HEXA: variants seen among roughly 807,000 people sequenced by gnomAD.
HEXA encodes beta-hexosaminidase subunit alpha.
Under a neutral mutation model 73.3 loss-of-function variants are expected in HEXA, and 54 were observed. That is an observed-to-expected ratio of 0.74 (90% CI 0.59 to 0.92). HEXA has a LOEUF of 0.92. Among genes scored for constraint, HEXA ranks in the 40% least tolerant of loss-of-function variants. The probability of loss-of-function intolerance (pLI) is 0.00; values close to 1 mark genes in which losing one functional copy is unlikely to be tolerated. For missense variants in HEXA, 649 were observed against 653.0 expected (o/e 0.99, Z 0.07); for synonymous variants, 230 against 246.9 (o/e 0.93, Z 0.64).
At chr15:72,356,705 A>G (rs1025772348) in intron 1 of HEXA, 88 bp from the exon 2 acceptor site, 46 of 1,585,020 alleles carry the variant, frequency 2.9e-5, no homozygotes, top group Non-Finnish European at 3.7e-5. Flanking sequence ...CCCTCAGCTC[A>G]CACGCCTGTG....
At chr15:72,350,371 T>C (rs1018558929) in intron 7 of HEXA, 147 bp downstream of exon 7, 1 of 855,468 alleles carries the variant, frequency 1.2e-6, no homozygotes. Context: ...GAGTTCTTCC[T>C]ATCTAAATTC....
intron 1 of HEXA, chr15:72,362,350 T>C (rs2088862233): frequency 2.4e-6 from 1 of 424,214 alleles, no homozygotes; most frequent in Non-Finnish European, 4.8e-6. Context: ...TCTTAAGATA[T>C]GCTGTTTATT....
intron 1 of HEXA, among the ~76,000 whole-genome samples, chr15:72,369,142 T>G (rs2088954682): frequency 6.6e-6 from 1 of 152,152 alleles, no homozygotes; most frequent in Admixed American, 6.5e-5. Context: ...CCAGGAAGCT[T>G]AAGCAAATGC....
Position 72,375,985 on chromosome 15 carries a change from T to TC in HEXA, c.-14dup, listed in dbSNP as rs1368865852. On this transcript the variant is annotated 5_prime_UTR_variant, in exon 1 of 14. Transcript: ENST00000268097. ...TGGAGCTTGTCATGGCCCGCTGGTC[T>TC]CCCCTCTCGGAGGGGGCTGGCCACG... 1.9e-6 allele frequency: 3 copies of TC among 1,611,982 alleles called. No homozygotes were observed. In the African/African-American group the frequency reaches 4.0e-5, roughly 22 times the overall value.
chr15:72,345,536 G>C lies in HEXA; in HGVS notation c.1436C>G (p.Ala479Gly). The C allele has an allele frequency of 6.2e-7, 1 of 1,614,238 alleles. No homozygotes were observed. Among genetic ancestry groups the C allele is most frequent in the South Asian group, 1.1e-5 (1 of 91,084 alleles). ...GTTGCTCCACAGCCTTTCGGCAACA[G>C]CCCCTGCTCTGGGCCTGGAGGAAAA... Reference protein sequence around the residue: ...LVPRLWPRAGAVAERLWSNKL... With the variant: ...LVPRLWPRAGGVAERLWSNKL... The change falls in exon 13 of 14, where the codon GCT becomes GGT. Residue 479 changes from alanine (A) to glycine (G), a missense_variant. By Grantham distance (60) the Ala-to-Gly change is moderately conservative (BLOSUM62 0). Transcript: ENST00000268097.
Position 72,356,610 on chromosome 15 carries a change from C to T in HEXA, c.261G>A (p.Arg87=), listed in dbSNP as rs1298623340. Residue 87 remains arginine (R), a synonymous_variant, in exon 2 of 14, where the codon CGG becomes CGA. Coordinates refer to ENST00000268097, the MANE Select transcript of HEXA (RefSeq NM_000520.6). ...CCAACACATTCTTCTCCAGTGTATG[C>T]CGTTTCCCTAGGAAGACAGGGTAAG... ...SWPRPYLTGK[R]HTLEKNVLVV... 3 of 1,614,034 alleles carry T rather than the reference C, an allele frequency of 1.9e-6. No homozygotes were observed. The highest frequency in any genetic ancestry group is 1.7e-6 in the Non-Finnish European group (2 of 1,179,982).
rs942869956 is a variant in HEXA, at chr15:72,343,014, G to T, written c.*1063C>A. 6.6e-6 allele frequency: 1 copy of T among 152,230 alleles called. No homozygotes were observed. Among genetic ancestry groups the T allele is most frequent in the Non-Finnish European group, 1.5e-5 (1 of 68,064 alleles). 9.4% of individuals were successfully genotyped at this position (152,230 alleles called of 1,614,324 possible). ...AGGCGGGCGGATCACGAGGTCAGGAGATCGAGACCATCCTGGCTAACACGG... is the reference window on the plus strand; with the variant it reads ...AGGCGGGCGGATCACGAGGTCAGGATATCGAGACCATCCTGGCTAACACGG... On this transcript the variant is annotated 3_prime_UTR_variant, in exon 14 of 14. Transcript: ENST00000268097.
intron 8 of HEXA, 34 bp from the exon 9 acceptor site, chr15:72,348,168 C>A (rs1490982157): frequency 6.8e-7 from 1 of 1,468,698 alleles, no homozygotes; most frequent in South Asian, 1.1e-5. Flanking sequence ...ATTAATCTTT[C>A]AACATCCTGA....
At chr15:72,349,847 T>C (rs1442575719) in intron 7 of HEXA, among the ~76,000 whole-genome samples, 1 of 152,168 alleles carries the variant, frequency 6.6e-6, no homozygotes, top group African/African-American at 2.4e-5. Context: ...CACTGCAACC[T>C]CTGCCTCCTG....
intron 1 of HEXA, among the ~76,000 whole-genome samples, chr15:72,373,891 C>T (rs192142460): frequency 6.6e-6 from 1 of 151,126 alleles, no homozygotes. Context: ...CCCACCTACT[C>T]GGGAGGCTGA....
At chr15:72,350,231 C>G in intron 7 of HEXA, 1 of 439,744 alleles carries the variant, frequency 2.3e-6, no homozygotes, top group Admixed American at 3.5e-5. Context: ...CAGATTCTAC[C>G]CTGGTGGTCA....
Position 72,375,753 on chromosome 15 carries a change from C to G in HEXA, c.220G>C (p.Gly74Arg). Residue 74 changes from glycine (G) to arginine (R), a missense_variant, in exon 1 of 14, where the codon GGT becomes CGT. Physicochemically the swap from Gly to Arg is moderately radical, Grantham distance 125. Coordinates refer to ENST00000268097, the MANE Select transcript of HEXA (RefSeq NM_000520.6). ...AFQRYRDLLF[G>R]SGSWPRPYLT... is the part of the protein sequence containing the mutation. ...TAAGGACGGGGCCAAGACCCGGAACCGAAAAGCAGGTCACGATAGCGCTGG... is the reference window on the plus strand; with the variant it reads ...TAAGGACGGGGCCAAGACCCGGAACGGAAAAGCAGGTCACGATAGCGCTGG... The G allele has an allele frequency of 1.2e-6, 2 of 1,614,214 alleles. No individual in the cohort carries two copies. Among genetic ancestry groups the G allele is most frequent in the Non-Finnish European group, 1.7e-6 (2 of 1,180,046 alleles).
At chr15:72,347,985 G>T in intron 9 of HEXA, 63 bp downstream of exon 9, 1 of 1,187,546 alleles carries the variant, frequency 8.4e-7, no homozygotes, top group Non-Finnish European at 1.3e-6. Context: ...GACTCGGTAT[G>T]GAAAGGGAGG....
chr15:72,355,723 AAC>A lies in HEXA; in HGVS notation c.347-101_347-100del. 1.3e-5 allele frequency: 11 copies of A among 838,900 alleles called. No homozygotes were observed. In the Admixed American group the frequency reaches 2.0e-4, roughly 16 times the overall value. 52.0% of individuals were successfully genotyped at this position (838,900 alleles called of 1,614,324 possible). ...ATAAATCACTGGACTAAAAAAAAAA[AAC>A]AGTAAGACCATATATTTTAAAAAAT... On this transcript the variant is annotated intron_variant, in intron 2 of 13. Transcript: ENST00000268097.
At chr15:72,352,106 G>A (rs1389025888) in intron 5 of HEXA, among the ~76,000 whole-genome samples, 1 of 152,088 alleles carries the variant, frequency 6.6e-6, no homozygotes, top group Non-Finnish European at 1.5e-5. Context: ...ACAGGTTTGC[G>A]CCATCGCGCC....
rs755241190 is a variant in HEXA, at chr15:72,375,981, G to A, written c.-9C>T. 4 of 1,612,850 alleles carry A rather than the reference G, an allele frequency of 2.5e-6. No homozygotes were observed. The highest frequency in any genetic ancestry group is 3.3e-5 in the Admixed American group (2 of 60,026). On this transcript the variant is annotated 5_prime_UTR_variant, in exon 1 of 14. Transcript: ENST00000268097. ...AGCCTGGAGCTTGTCATGGCCCGCT[G>A]GTCTCCCCTCTCGGAGGGGGCTGGC...
chr15:72,350,585 T>G lies in HEXA; in HGVS notation c.738A>C (p.Ala246=), dbSNP rs2140324194. The change falls in exon 7 of 14, where the codon GCA becomes GCC. Residue 246 remains alanine (A), a synonymous_variant. Coordinates refer to ENST00000268097, the MANE Select transcript of HEXA (RefSeq NM_000520.6). The stretch of plus-strand genomic sequence containing the variant: ...CAAGCACACGGATACCCCGGAGCCG[T>G]GCGTATTCAATGACCTCCTTCACAT... ...AQDVKEVIEY[A]RLRGIRVLAE... The G allele has an allele frequency of 8.7e-6, 14 of 1,614,070 alleles. No individual in the cohort carries two copies. The highest frequency in any genetic ancestry group is 1.0e-5 in the Non-Finnish European group (12 of 1,179,992).
chr15:72,349,012 G>A (rs904374947), intron 8 of HEXA, 67 bp downstream of exon 8: 67 of 1,312,888 alleles, frequency 5.1e-5, no homozygotes, highest in African/African-American at 4.2e-4. Flanking sequence ...GCAGCCCCTC[G>A]GGTGCTAACT....
At position 72,347,751 on chromosome 15, in the gene HEXA, C is replaced by T; in HGVS notation, c.1081G>A (p.Asp361Asn). The change falls in exon 10 of 14, where the codon GAC (aspartate) becomes AAC (asparagine). Residue 361 changes from aspartate (D) to asparagine (N), a missense_variant. Transcript: ENST00000268097. ...LESFYIQTLL[D>N]IVSSYGKGYV... is the part of the protein sequence containing the mutation. The stretch of plus-strand genomic sequence containing the variant: ...CCCTTGCCATAAGAAGAGACGATGT[C>T]CAGCAGCCTGGAGAGGAGAGGAGTG... 6.2e-7 allele frequency: 1 copy of T among 1,614,112 alleles called. No homozygotes were observed. The highest frequency in any genetic ancestry group is 8.5e-7 in the Non-Finnish European group (1 of 1,179,930).
Sources: allele counts gnomAD v4.1 joint callset (sites outside exome capture counted in the v4.1 genomes callset), GRCh38; gene constraint gnomAD v4.1.1; transcripts MANE v1.5; gene names NCBI Gene and HGNC (gene_info 2026-07-23, HGNC 2026-07-21).